Variants in NRXN1 observed in about 807,000 individuals in gnomAD.
NRXN1 encodes the protein neurexin-1.
Under a neutral mutation model 150.9 loss-of-function variants are expected in NRXN1, and 39 were observed. The ratio of observed to expected loss-of-function variants is 0.26; its 90% CI spans 0.20 to 0.34. NRXN1 has a LOEUF of 0.34. Among genes scored for constraint, NRXN1 ranks in the 10% least tolerant of loss-of-function variants. The pLI, the probability that NRXN1 is intolerant of heterozygous loss-of-function variation, is 1.00. For missense variants in NRXN1, 1,815 were observed against 1,949.9 expected (o/e 0.93, Z 1.30); for synonymous variants, 924 against 757.0 (o/e 1.22, Z -3.62).
intron 18 of NRXN1, among the ~76,000 whole-genome samples, chr2:50,153,674 T>C (rs1190270252): frequency 6.6e-6 from 1 of 151,658 alleles, no homozygotes; most frequent in Admixed American, 6.6e-5. Flanking sequence ...AATGTCTAAA[T>C]CTTTATTTTC....
At chr2:50,051,102 TAATAAA>T (rs1183190345) in intron 21 of NRXN1, among the ~76,000 whole-genome samples, 1 of 152,028 alleles carries the variant, frequency 6.6e-6, no homozygotes, top group Non-Finnish European at 1.5e-5. Context: ...TAATAGCTTA[TAATAAA>T]AGAGGCTCTT....
intron 17 of NRXN1, among the ~76,000 whole-genome samples, chr2:50,436,402 G>A (rs897127702): frequency 7.9e-5 from 12 of 151,502 alleles, no homozygotes; most frequent in African/African-American, 2.4e-4. Flanking sequence ...GTGGTGGGCC[G>A]AGATAGTGCT....
At chr2:50,259,337 AG>A in intron 17 of NRXN1, among the ~76,000 whole-genome samples, 1 of 152,028 alleles carries the variant, frequency 6.6e-6, no homozygotes, top group Non-Finnish European at 1.5e-5. Flanking sequence ...CTGACCTGGA[AG>A]GGGAGTAGAA....
At chr2:50,200,895 C>T (rs1188855897) in intron 18 of NRXN1, among the ~76,000 whole-genome samples, 1 of 151,840 alleles carries the variant, frequency 6.6e-6, no homozygotes, top group Non-Finnish European at 1.5e-5. Context: ...TTTTCTTGTT[C>T]TTTTTATCAG....
intron 18 of NRXN1, among the ~76,000 whole-genome samples, chr2:50,182,935 T>G (rs2060829229): frequency 6.6e-6 from 1 of 151,992 alleles, no homozygotes; most frequent in Non-Finnish European, 1.5e-5. Context: ...GTAAAATATC[T>G]AAATTATCTC....
At chr2:50,282,566 G>A (rs1417942726) in intron 17 of NRXN1, among the ~76,000 whole-genome samples, 1 of 152,134 alleles carries the variant, frequency 6.6e-6, no homozygotes, top group Non-Finnish European at 1.5e-5. Flanking sequence ...GTATGATGAT[G>A]AAGAAAGAGG....
intron 18 of NRXN1, among the ~76,000 whole-genome samples, chr2:50,131,754 G>T (rs1705527498): frequency 6.6e-6 from 1 of 152,060 alleles, no homozygotes; most frequent in East Asian, 1.9e-4. Context: ...TGCCTGTCAG[G>T]AATAAAAATT....
chr2:50,640,158 A>T (rs557809501), intron 5 of NRXN1, among the ~76,000 whole-genome samples: 9 of 152,172 alleles, frequency 5.9e-5, no homozygotes, highest in African/African-American at 1.7e-4. Flanking sequence ...TTGGCCCCAG[A>T]CCCCACCTCA....
chr2:50,400,275 A>G (rs1276280079), intron 17 of NRXN1, among the ~76,000 whole-genome samples: 1 of 152,136 alleles, frequency 6.6e-6, no homozygotes, highest in Admixed American at 6.6e-5. Context: ...GATTTTCCAC[A>G]TTACTGAAAT....
At chr2:50,652,151 C>T (rs966003697) in intron 5 of NRXN1, among the ~76,000 whole-genome samples, 1 of 151,992 alleles carries the variant, frequency 6.6e-6, no homozygotes, top group Non-Finnish European at 1.5e-5. Flanking sequence ...ATCAGCCATC[C>T]CCATCCCTTT....
intron 17 of NRXN1, among the ~76,000 whole-genome samples, chr2:50,454,936 G>T (rs2087390855): frequency 6.6e-6 from 1 of 152,126 alleles, no homozygotes; most frequent in African/African-American, 2.4e-5. Context: ...GATGTGAGCT[G>T]GATCATCTCC....
chr2:50,425,436 T>TTTTGTTTGCTTGGTTTTTGCCG (rs2084398656), intron 17 of NRXN1, among the ~76,000 whole-genome samples: 3 of 152,186 alleles, frequency 2.0e-5, no homozygotes, highest in Non-Finnish European at 4.4e-5. Flanking sequence ...GCTGCTAGAT[T>TTTTGTTTGCTTGGTTTTTGCCG]TGTAACCTGC....
chr2:50,161,137 A>G (rs2059339357), intron 18 of NRXN1, among the ~76,000 whole-genome samples: 1 of 152,158 alleles, frequency 6.6e-6, no homozygotes, highest in South Asian at 2.1e-4. Context: ...GACTGTTTGT[A>G]GTACTTCAAT....
chr2:50,807,713 T>C (rs10490178), intron 5 of NRXN1, among the ~76,000 whole-genome samples: 15,718 of 152,168 alleles, frequency 0.1, 910 homozygotes, highest in Admixed American at 0.14. Context: ...CTGCTTATCT[T>C]GGCGTTGTGT....
chr2:50,882,723 T>A (rs1679634796), intron 5 of NRXN1, among the ~76,000 whole-genome samples: 1 of 151,854 alleles, frequency 6.6e-6, no homozygotes, highest in African/African-American at 2.4e-5. Context: ...GAAATTGAAA[T>A]TCATAGCATT....
intron 17 of NRXN1, among the ~76,000 whole-genome samples, chr2:50,278,470 C>T (rs2070962683): frequency 6.7e-6 from 1 of 149,952 alleles, no homozygotes; most frequent in South Asian, 2.1e-4. Flanking sequence ...TAGATAGTAC[C>T]TTTAAAAACG....
At chr2:50,555,822 C>G (rs1030616144) in intron 8 of NRXN1, among the ~76,000 whole-genome samples, 3 of 152,162 alleles carry the variant, frequency 2.0e-5, no homozygotes, top group Non-Finnish European at 2.9e-5. Context: ...ATGTGCATAT[C>G]CAGTTCATAA....
chr2:50,131,907 C>G (rs927226378), intron 18 of NRXN1, among the ~76,000 whole-genome samples: 3 of 151,744 alleles, frequency 2.0e-5, no homozygotes, highest in African/African-American at 7.3e-5. Context: ...CTAGACGGTC[C>G]AACAGCTCTA....
intron 21 of NRXN1, among the ~76,000 whole-genome samples, chr2:49,964,891 T>G (rs563851551): frequency 6.6e-6 from 1 of 152,280 alleles, no homozygotes; most frequent in East Asian, 1.9e-4. Flanking sequence ...AAAAGTTCTT[T>G]ATTTTATTTT....
Sources: gnomAD v4.1 joint callset for allele counts (sites outside exome capture counted in the v4.1 genomes callset) on GRCh38, gnomAD v4.1.1 for gene constraint, MANE v1.5 for transcripts, NCBI Gene and HGNC (gene_info 2026-07-23, HGNC 2026-07-21) for gene names.